IL1RAPL2: variants seen among roughly 807,000 people sequenced by gnomAD.
IL1RAPL2 encodes interleukin 1 receptor accessory protein like 2, also known as X-linked interleukin-1 receptor accessory protein-like 2.
In IL1RAPL2, 3 loss-of-function variants were observed where a neutral mutation model predicts 44.1. The observed-to-expected ratio is 0.07, with a 90% CI of 0.03 to 0.18. The LOEUF is 0.18. Among genes scored for constraint, IL1RAPL2 ranks in the 10% least tolerant of loss-of-function variants. The pLI, the probability that IL1RAPL2 is intolerant of heterozygous loss-of-function variation, is 1.00. For synonymous variants in IL1RAPL2, 181 were observed against 178.8 expected (o/e 1.01, Z -0.10); for missense variants, 391 against 496.4 (o/e 0.79, Z 2.02).
intron 6 of IL1RAPL2, among the ~76,000 whole-genome samples, chrX:105,626,751 A>C (rs2037456041): frequency 8.9e-6 from 1 of 111,927 alleles, no homozygotes. Flanking sequence ...AGATTTCAAA[A>C]AAACATAAAT....
intron 5 of IL1RAPL2, among the ~76,000 whole-genome samples, 177 bp downstream of exon 5, chrX:105,267,718 T>C (rs2034414291): frequency 9.0e-6 from 1 of 111,495 alleles, no homozygotes; most frequent in South Asian, 3.6e-4. Context: ...ATATGGAATA[T>C]GAAAAAAGAG....
intron 5 of IL1RAPL2, among the ~76,000 whole-genome samples, chrX:105,377,874 G>T (rs1204473843): frequency 9.0e-6 from 1 of 111,602 alleles, no homozygotes; most frequent in Non-Finnish European, 1.9e-5. Flanking sequence ...GATATTTGAG[G>T]TTTAACCTAA....
At chrX:104,867,435 C>T (rs1922649794) in intron 2 of IL1RAPL2, among the ~76,000 whole-genome samples, 1 of 111,018 alleles carries the variant, frequency 9.0e-6, no homozygotes, top group Non-Finnish European at 1.9e-5. Context: ...AGTTACTTAC[C>T]AGCAAGAAGG....
At chrX:104,931,923 C>T (rs1388055204) in intron 2 of IL1RAPL2, among the ~76,000 whole-genome samples, 1 of 107,433 alleles carries the variant, frequency 9.3e-6, no homozygotes, top group Non-Finnish European at 1.9e-5. Flanking sequence ...TACACACAGA[C>T]TCACAGATAT....
chrX:104,655,885 C>T (rs1296593329), intron 1 of IL1RAPL2, among the ~76,000 whole-genome samples: 1 of 111,422 alleles, frequency 9.0e-6, no homozygotes, highest in Non-Finnish European at 1.9e-5. Context: ...TCAGCTTCTT[C>T]CTGGTTTAGT....
intron 2 of IL1RAPL2, among the ~76,000 whole-genome samples, chrX:105,087,213 G>T (rs1488517147): frequency 9.0e-6 from 1 of 111,515 alleles, no homozygotes; most frequent in Admixed American, 9.6e-5. Flanking sequence ...TGGACTCTGT[G>T]TGACATTAGG....
intron 5 of IL1RAPL2, among the ~76,000 whole-genome samples, chrX:105,350,541 T>G (rs767239105): frequency 1.8e-5 from 2 of 111,689 alleles, no homozygotes; most frequent in East Asian, 5.7e-4. Context: ...CTGACCAACA[T>G]AGAGAAACCC....
intron 2 of IL1RAPL2, among the ~76,000 whole-genome samples, chrX:105,133,190 G>A (rs2033044469): frequency 8.9e-6 from 1 of 111,744 alleles, no homozygotes; most frequent in South Asian, 3.7e-4. Flanking sequence ...AATATTCTGT[G>A]TAAATATAAC....
At chrX:105,499,021 T>C (rs1263485098) in intron 6 of IL1RAPL2, among the ~76,000 whole-genome samples, 3 of 111,218 alleles carry the variant, frequency 2.7e-5, no homozygotes, top group East Asian at 5.7e-4. Flanking sequence ...GTGCTCCTTA[T>C]GAGAATCTAA....
intron 2 of IL1RAPL2, among the ~76,000 whole-genome samples, chrX:105,103,501 C>T (rs2032697617): frequency 8.9e-6 from 1 of 111,820 alleles, no homozygotes; most frequent in Non-Finnish European, 1.9e-5. Flanking sequence ...ACTCAGTATG[C>T]AAATGTTCAT....
At chrX:105,051,782 T>TATG (rs2031929813) in intron 2 of IL1RAPL2, among the ~76,000 whole-genome samples, 1 of 112,236 alleles carries the variant, frequency 8.9e-6, no homozygotes, top group Admixed American at 9.4e-5. Flanking sequence ...CTAGAACAAC[T>TATG]ATGATTAATT....
At chrX:104,864,338 A>T (rs1205967914) in intron 2 of IL1RAPL2, among the ~76,000 whole-genome samples, 1 of 112,382 alleles carries the variant, frequency 8.9e-6, no homozygotes, top group Non-Finnish European at 1.9e-5. Flanking sequence ...GAGCTCTGAA[A>T]ACTTCAAGGA....
intron 2 of IL1RAPL2, among the ~76,000 whole-genome samples, chrX:104,695,465 G>T (rs1931163349): frequency 9.0e-6 from 1 of 110,885 alleles, no homozygotes; most frequent in Non-Finnish European, 1.9e-5. Flanking sequence ...TATGGCTAAT[G>T]GTTTATATGA....
intron 2 of IL1RAPL2, among the ~76,000 whole-genome samples, chrX:104,852,516 T>C (rs1398999620): frequency 1.8e-5 from 2 of 112,436 alleles, no homozygotes; most frequent in African/African-American, 6.5e-5. Flanking sequence ...CTATTTGTCA[T>C]GGTTTTTAAC....
intron 6 of IL1RAPL2, among the ~76,000 whole-genome samples, chrX:105,616,365 A>G (rs1345007338): frequency 1.8e-5 from 2 of 112,360 alleles, no homozygotes; most frequent in Non-Finnish European, 3.8e-5. Flanking sequence ...AAGTAAAAAT[A>G]ATTCACATAA....
intron 2 of IL1RAPL2, among the ~76,000 whole-genome samples, chrX:104,783,958 C>G (rs1295185619): frequency 9.0e-6 from 1 of 111,003 alleles, no homozygotes; most frequent in East Asian, 2.8e-4. Flanking sequence ...AACCCTGTAA[C>G]AGCCAAACTC....
At chrX:104,760,575 C>T (rs970511889) in intron 2 of IL1RAPL2, among the ~76,000 whole-genome samples, 3 of 111,765 alleles carry the variant, frequency 2.7e-5, no homozygotes, top group Admixed American at 9.5e-5. Flanking sequence ...GCCATTTGTA[C>T]GTCTTCTTTT....
chrX:104,997,705 T>C (rs1227771414), intron 2 of IL1RAPL2, among the ~76,000 whole-genome samples: 1 of 111,849 alleles, frequency 8.9e-6, no homozygotes, highest in Non-Finnish European at 1.9e-5. Flanking sequence ...CCTTATAGTT[T>C]GGCTCTAAGA....
At chrX:105,391,265 T>C (rs947294340) in intron 5 of IL1RAPL2, among the ~76,000 whole-genome samples, 1 of 111,696 alleles carries the variant, frequency 9.0e-6, no homozygotes, top group East Asian at 2.8e-4. Context: ...TTATTTAAAA[T>C]GTGCTGATCT....
Sources: gnomAD v4.1 joint callset for allele counts (sites outside exome capture counted in the v4.1 genomes callset) on GRCh38, gnomAD v4.1.1 for gene constraint, MANE v1.5 for transcripts, NCBI Gene and HGNC (gene_info 2026-07-23, HGNC 2026-07-21) for gene names.